SEZ6L: variants seen among roughly 807,000 people sequenced by gnomAD.
The protein encoded by SEZ6L is seizure related 6 homolog like.
SEZ6L carries 37 observed loss-of-function variants against 106.2 expected under a neutral mutation model. The ratio of observed to expected loss-of-function variants is 0.35; its 90% CI spans 0.27 to 0.46. The LOEUF is 0.46. SEZ6L is among the 20% of genes least tolerant of loss of function. The pLI, the probability that SEZ6L is intolerant of heterozygous loss-of-function variation, is 1.00. For synonymous variants in SEZ6L, 541 were observed against 570.4 expected, an observed-to-expected ratio of 0.95 and a Z score of 0.73; for missense variants, 1,172 against 1,332.8, an observed-to-expected ratio of 0.88 and a Z score of 1.88.
chr22:26,204,678 G>A (rs1424686338), intron 1 of SEZ6L, among the ~76,000 whole-genome samples: 3 of 152,066 alleles, frequency 2.0e-5, no homozygotes, highest in African/African-American at 7.2e-5. Context: ...TTTTCTGAGA[G>A]TGGACAGAGG....
intron 1 of SEZ6L, among the ~76,000 whole-genome samples, chr22:26,255,388 C>T (rs1179056306): frequency 6.6e-6 from 1 of 152,202 alleles, no homozygotes; most frequent in African/African-American, 2.4e-5. Flanking sequence ...GAAGAATCCC[C>T]TCTGCTGTGT....
intron 6 of SEZ6L, among the ~76,000 whole-genome samples, chr22:26,309,745 A>T (rs1417895082): frequency 6.6e-6 from 1 of 152,002 alleles, no homozygotes; most frequent in Non-Finnish European, 1.5e-5. Context: ...TATCTGTCTG[A>T]TTTTTGTATT....
chr22:26,283,299 A>G (rs2080832395), intron 1 of SEZ6L, among the ~76,000 whole-genome samples: 1 of 152,230 alleles, frequency 6.6e-6, no homozygotes, highest in African/African-American at 2.4e-5. Flanking sequence ...TGCAGTACTA[A>G]TTGGAGGAAG....
chr22:26,335,033 G>A (rs540632879), intron 9 of SEZ6L, among the ~76,000 whole-genome samples: 49 of 152,262 alleles, frequency 3.2e-4, no homozygotes, highest in Non-Finnish European at 6.6e-4. Context: ...TCTGCCCTGT[G>A]GCTCTCCCTG....
chr22:26,313,350 C>T (rs899690605), intron 8 of SEZ6L, among the ~76,000 whole-genome samples: 1 of 152,124 alleles, frequency 6.6e-6, no homozygotes. Flanking sequence ...CCTCCTACAG[C>T]CTGTTAGCAG....
At chr22:26,276,008 C>A (rs889350398) in intron 1 of SEZ6L, among the ~76,000 whole-genome samples, 2 of 152,200 alleles carry the variant, frequency 1.3e-5, no homozygotes, top group Non-Finnish European at 2.9e-5. Flanking sequence ...GTGTGGTCAA[C>A]CAGCCCGGCT....
intron 1 of SEZ6L, among the ~76,000 whole-genome samples, chr22:26,183,914 C>A (rs1397380798): frequency 6.6e-6 from 1 of 152,074 alleles, no homozygotes; most frequent in South Asian, 2.1e-4. Flanking sequence ...AATAAATAGT[C>A]ATTTCTTATG....
chr22:26,277,793 A>G (rs2080602078), intron 1 of SEZ6L, among the ~76,000 whole-genome samples: 1 of 152,208 alleles, frequency 6.6e-6, no homozygotes, highest in Admixed American at 6.5e-5. Flanking sequence ...CTCTGGGGAG[A>G]CAGTGATGAA....
intron 1 of SEZ6L, among the ~76,000 whole-genome samples, chr22:26,228,403 C>A (rs2078698546): frequency 6.6e-6 from 1 of 152,146 alleles, no homozygotes. Flanking sequence ...ACAATCCACA[C>A]CCTGCCCCCT....
intron 1 of SEZ6L, among the ~76,000 whole-genome samples, chr22:26,236,979 G>T (rs1194013605): frequency 6.6e-6 from 1 of 151,960 alleles, no homozygotes; most frequent in African/African-American, 2.4e-5. Context: ...TCTCTGCCTC[G>T]CTCTCAGTCT....
chr22:26,368,939 C>T (rs577931505), intron 13 of SEZ6L, among the ~76,000 whole-genome samples: 5 of 152,188 alleles, frequency 3.3e-5, no homozygotes, highest in Admixed American at 2.0e-4. Context: ...GTAAATTTCC[C>T]GCCTTCAGGG....
At chr22:26,251,719 G>A (rs1485318214) in intron 1 of SEZ6L, among the ~76,000 whole-genome samples, 1 of 152,214 alleles carries the variant, frequency 6.6e-6, no homozygotes, top group Non-Finnish European at 1.5e-5. Context: ...TATGGAAACT[G>A]CTCAGTGGTA....
At chr22:26,332,106 T>C (rs1159387586) in intron 9 of SEZ6L, among the ~76,000 whole-genome samples, 1 of 152,020 alleles carries the variant, frequency 6.6e-6, no homozygotes, top group Non-Finnish European at 1.5e-5. Flanking sequence ...AACAATAATT[T>C]GTTGTTCATT....
chr22:26,286,745 CTTT>C (rs137200), intron 1 of SEZ6L, among the ~76,000 whole-genome samples: 18 of 118,612 alleles, frequency 1.5e-4, no homozygotes, highest in Admixed American at 2.7e-4. Flanking sequence ...AGAGCTTGTG[CTTT>C]TTTTTTTTTT....
chr22:26,239,851 C>T (rs992816959), intron 1 of SEZ6L, among the ~76,000 whole-genome samples: 4 of 152,066 alleles, frequency 2.6e-5, no homozygotes, highest in Non-Finnish European at 5.9e-5. Context: ...AAGCACAAAG[C>T]CATTCATTTT....
At chr22:26,370,308 G>A (rs1178475852) in intron 13 of SEZ6L, among the ~76,000 whole-genome samples, 1 of 152,004 alleles carries the variant, frequency 6.6e-6, no homozygotes, top group Non-Finnish European at 1.5e-5. Context: ...TGGCGTGAAC[G>A]TGGGAGGCGG....
intron 1 of SEZ6L, among the ~76,000 whole-genome samples, chr22:26,262,849 G>A (rs1419692278): frequency 1.3e-5 from 2 of 152,202 alleles, no homozygotes; most frequent in African/African-American, 4.8e-5. Flanking sequence ...GACTTTCAAA[G>A]CAAATCACAA....
Position 26,292,600 on chromosome 22 carries a change from C to T in SEZ6L, c.289C>T (p.Pro97Ser). ...CGCACCCTCTGCACATCACGACATCCCAGCCCTGTCACCGCTGCTTCCAGA... is the reference window on the plus strand; with the variant it reads ...CGCACCCTCTGCACATCACGACATCTCAGCCCTGTCACCGCTGCTTCCAGA... ...GTAPSAHHDI[P>S]ALSPLLPEEA... The change falls in exon 2 of 17, where the codon CCA becomes TCA. Residue 97 changes from proline to serine, a missense_variant. Transcript: ENST00000248933. The T allele has an allele frequency of 6.2e-7, 1 of 1,613,570 alleles. No homozygotes were observed. The highest frequency in any genetic ancestry group is 1.7e-5 in the Admixed American group (1 of 59,986).
At chr22:26,175,876 C>G (rs1050834850) in intron 1 of SEZ6L, among the ~76,000 whole-genome samples, 6 of 152,214 alleles carry the variant, frequency 3.9e-5, no homozygotes, top group African/African-American at 1.4e-4. Context: ...ATCAAGCTGT[C>G]CTTACAGGGC....
Sources: gnomAD v4.1 joint callset for allele counts (sites outside exome capture counted in the v4.1 genomes callset) on GRCh38, gnomAD v4.1.1 for gene constraint, MANE v1.5 for transcripts, NCBI Gene and HGNC (gene_info 2026-07-23, HGNC 2026-07-21) for gene names.